RGS6: variants seen among roughly 807,000 people sequenced by gnomAD.
RGS6 encodes the protein regulator of G protein signaling 6.
Under a neutral mutation model 78.5 loss-of-function variants are expected in RGS6, and 30 were observed. The ratio of observed to expected loss-of-function variants is 0.38; its 90% CI spans 0.29 to 0.52. RGS6 has a LOEUF of 0.52. Among genes scored for constraint, RGS6 ranks in the 20% least tolerant of loss-of-function variants. RGS6 has a pLI of 0.85. For missense variants in RGS6, 495 were observed against 609.7 expected (o/e 0.81, Z 1.98); for synonymous variants, 206 against 206.0 (o/e 1.00, Z 0.00).
chr14:71,969,665 C>G (rs1242238175), intron 2 of RGS6, among the ~76,000 whole-genome samples: 2 of 151,980 alleles, frequency 1.3e-5, no homozygotes, highest in African/African-American at 2.4e-5. Context: ...ACTTCTAACA[C>G]AAAAAGAATA....
chr14:71,969,892 A>G (rs1246610986), intron 2 of RGS6, among the ~76,000 whole-genome samples: 3 of 152,200 alleles, frequency 2.0e-5, no homozygotes, highest in Admixed American at 2.0e-4. Context: ...CCTGATATCA[A>G]AACAATGTTG....
chr14:71,973,013 A>C (rs766590472), intron 2 of RGS6, among the ~76,000 whole-genome samples: 11 of 152,184 alleles, frequency 7.2e-5, no homozygotes, highest in Non-Finnish European at 1.6e-4. Flanking sequence ...CAGAGTCTGT[A>C]AATGGACCAG....
chr14:72,434,323 C>T (rs1256196603), intron 3 of RGS6, among the ~76,000 whole-genome samples: 1 of 152,154 alleles, frequency 6.6e-6, no homozygotes, highest in African/African-American at 2.4e-5. Context: ...GGTGACAGAG[C>T]GAGACCCTGT....
At chr14:72,557,846 A>T (rs1247236534) in intron 17 of RGS6, among the ~76,000 whole-genome samples, 1 of 152,166 alleles carries the variant, frequency 6.6e-6, no homozygotes, top group African/African-American at 2.4e-5. Context: ...GAATTCCCCA[A>T]CAGAGGAATC....
chr14:72,497,784 TTCCTTC>T (rs2096664387), intron 13 of RGS6, among the ~76,000 whole-genome samples: 1 of 152,152 alleles, frequency 6.6e-6, no homozygotes, highest in Non-Finnish European at 1.5e-5. Flanking sequence ...CCCTAGGTAG[TTCCTTC>T]TAAGTCAAGA....
intron 2 of RGS6, among the ~76,000 whole-genome samples, chr14:72,179,300 T>A (rs2153696038): frequency 6.6e-6 from 1 of 152,326 alleles, no homozygotes; most frequent in South Asian, 2.1e-4. Context: ...CTGGGATTCC[T>A]AAAATTCAGC....
chr14:72,373,868 GTT>G (rs1340881360), intron 3 of RGS6, among the ~76,000 whole-genome samples: 1 of 151,588 alleles, frequency 6.6e-6, no homozygotes, highest in Non-Finnish European at 1.5e-5. Flanking sequence ...AAAAATGCAA[GTT>G]TTATAATACA....
intron 2 of RGS6, among the ~76,000 whole-genome samples, chr14:72,091,345 C>T (rs553481874): frequency 3.9e-5 from 6 of 152,330 alleles, no homozygotes; most frequent in South Asian, 4.1e-4. Context: ...CCCTTCCTCA[C>T]GTGAAGAGAG....
At chr14:72,530,565 C>T (rs1453195711) in intron 15 of RGS6, among the ~76,000 whole-genome samples, 1 of 152,230 alleles carries the variant, frequency 6.6e-6, no homozygotes, top group East Asian at 1.9e-4. Flanking sequence ...GTGGTGCATG[C>T]TTGTAATCCC....
chr14:72,611,149 A>G, the RGS6 span, among the ~76,000 whole-genome samples: 1 of 152,186 alleles, frequency 6.6e-6, no homozygotes, highest in African/African-American at 2.4e-5. Flanking sequence ...CTGAGCCAAC[A>G]TCCACACATG....
chr14:71,938,192 T>C (rs2089876385), intron 1 of RGS6, among the ~76,000 whole-genome samples: 1 of 152,242 alleles, frequency 6.6e-6, no homozygotes, highest in Non-Finnish European at 1.5e-5. Flanking sequence ...TCACAGTTTT[T>C]GACCACTCAG....
intron 2 of RGS6, among the ~76,000 whole-genome samples, chr14:72,088,663 C>G (rs568850941): frequency 2.3e-3 from 347 of 152,198 alleles, no homozygotes; most frequent in African/African-American, 8.0e-3. Context: ...TCAATCAGAC[C>G]AGATCATTCT....
At chr14:72,230,560 G>T (rs904390637) in intron 2 of RGS6, among the ~76,000 whole-genome samples, 1 of 152,116 alleles carries the variant, frequency 6.6e-6, no homozygotes, top group Non-Finnish European at 1.5e-5. Context: ...AGACACAGTA[G>T]GATGGATATA....
chr14:72,289,992 GCAT>G (rs1344375145), intron 2 of RGS6, among the ~76,000 whole-genome samples: 3 of 152,128 alleles, frequency 2.0e-5, no homozygotes, highest in Non-Finnish European at 4.4e-5. Flanking sequence ...AAGAAAATTG[GCAT>G]TTAAAATGTG....
At chr14:72,030,383 G>A (rs925921242) in intron 2 of RGS6, among the ~76,000 whole-genome samples, 1 of 152,036 alleles carries the variant, frequency 6.6e-6, no homozygotes, top group African/African-American at 2.4e-5. Flanking sequence ...GGAAATAAAA[G>A]TTTGAAAAAA....
intron 2 of RGS6, among the ~76,000 whole-genome samples, chr14:72,326,215 C>T (rs960020910): frequency 6.6e-6 from 1 of 152,116 alleles, no homozygotes; most frequent in Non-Finnish European, 1.5e-5. Flanking sequence ...GAAAGAAATC[C>T]TATGTCCACG....
intron 2 of RGS6, among the ~76,000 whole-genome samples, chr14:72,048,171 G>T (rs1295131604): frequency 6.6e-6 from 1 of 151,942 alleles, no homozygotes; most frequent in African/African-American, 2.4e-5. Flanking sequence ...TGTGTTCAAG[G>T]GTAAATGATA....
chr14:71,984,119 T>C (rs2094579321), intron 2 of RGS6, among the ~76,000 whole-genome samples: 1 of 152,080 alleles, frequency 6.6e-6, no homozygotes, highest in African/African-American at 2.4e-5. Flanking sequence ...TATACATATA[T>C]TGAGCCATTT....
chr14:71,874,019 A>G, the RGS6 span, among the ~76,000 whole-genome samples: 4 of 152,104 alleles, frequency 2.6e-5, no homozygotes, highest in South Asian at 2.1e-4. Context: ...TTTGGTACCA[A>G]CACCATGCTG....
Sources: gnomAD v4.1 joint callset for allele counts (sites outside exome capture counted in the v4.1 genomes callset) on GRCh38, gnomAD v4.1.1 for gene constraint, MANE v1.5 for transcripts, NCBI Gene and HGNC (gene_info 2026-07-23, HGNC 2026-07-21) for gene names.